EPHA5: variants seen among roughly 807,000 people sequenced by gnomAD.
EPHA5 encodes EPH receptor A5.
In EPHA5, 60 loss-of-function variants were observed where a neutral mutation model predicts 105.0. The observed-to-expected ratio is 0.57, with a 90% CI of 0.46 to 0.71. The LOEUF is 0.71. Ranked by LOEUF, EPHA5 falls within the 30% of genes least tolerant of loss-of-function variation. EPHA5 has a pLI of 0.00. For missense variants in EPHA5, 1,218 were observed against 1,274.7 expected (o/e 0.96, Z 0.68); for synonymous variants, 513 against 449.1 (o/e 1.14, Z -1.80).
intron 3 of EPHA5, among the ~76,000 whole-genome samples, chr4:65,583,765 T>C (rs2149402164): frequency 6.6e-6 from 1 of 151,814 alleles, no homozygotes; most frequent in East Asian, 1.9e-4. Context: ...AACATATCTT[T>C]GTTATTGTTT....
At chr4:65,384,950 T>C (rs1719935632) in intron 8 of EPHA5, among the ~76,000 whole-genome samples, 1 of 151,414 alleles carries the variant, frequency 6.6e-6, no homozygotes, top group South Asian at 2.1e-4. Context: ...CCTCCCCCAG[T>C]CATTTCACAG....
At chr4:65,335,751 A>C (rs1560422445) in intron 15 of EPHA5, among the ~76,000 whole-genome samples, 181 bp downstream of exon 15, 1 of 152,074 alleles carries the variant, frequency 6.6e-6, no homozygotes, top group Admixed American at 6.6e-5. Flanking sequence ...TTTAAGTATC[A>C]TTTAGTCACA....
chr4:65,493,176 G>GT (rs1219162979), intron 4 of EPHA5, among the ~76,000 whole-genome samples: 1 of 151,842 alleles, frequency 6.6e-6, no homozygotes, highest in Admixed American at 6.6e-5. Context: ...TAAAATAGAG[G>GT]TAAAAAGTGG....
intron 3 of EPHA5, among the ~76,000 whole-genome samples, chr4:65,560,366 G>T (rs1319256693): frequency 6.6e-6 from 1 of 152,024 alleles, no homozygotes; most frequent in African/African-American, 2.4e-5. Flanking sequence ...ACAAAAGAAT[G>T]CATAGCCATT....
chr4:65,592,673 A>G (rs565097262), intron 3 of EPHA5, among the ~76,000 whole-genome samples: 3 of 152,316 alleles, frequency 2.0e-5, no homozygotes, highest in Admixed American at 1.3e-4. Context: ...ATGCAAATTC[A>G]TATTAGCCAC....
intron 7 of EPHA5, among the ~76,000 whole-genome samples, chr4:65,407,829 C>G (rs1302619481): frequency 1.3e-5 from 2 of 151,930 alleles, no homozygotes; most frequent in African/African-American, 4.8e-5. Context: ...GATCTCGGCT[C>G]ATTGCAACCT....
intron 8 of EPHA5, among the ~76,000 whole-genome samples, chr4:65,376,752 C>G (rs1188030172): frequency 6.6e-6 from 1 of 151,892 alleles, no homozygotes; most frequent in East Asian, 1.9e-4. Flanking sequence ...TCGTAACTCC[C>G]TAGTTTAAAT....
At chr4:65,438,296 A>G (rs888981100) in intron 5 of EPHA5, among the ~76,000 whole-genome samples, 2 of 151,950 alleles carry the variant, frequency 1.3e-5, no homozygotes, top group African/African-American at 2.4e-5. Context: ...TTGATTTTTC[A>G]TCTTATTTCT....
At chr4:65,605,461 G>A (rs1025577726) in intron 2 of EPHA5, among the ~76,000 whole-genome samples, 5 of 151,982 alleles carry the variant, frequency 3.3e-5, no homozygotes, top group African/African-American at 9.7e-5. Flanking sequence ...CCTATACATC[G>A]TTTTTTCATG....
chr4:65,363,296 T>C (rs1717517396), intron 11 of EPHA5, among the ~76,000 whole-genome samples: 1 of 151,616 alleles, frequency 6.6e-6, no homozygotes. Context: ...ATCTTCACAA[T>C]AATGCTATAA....
chr4:65,414,151 C>T (rs1003812717), intron 7 of EPHA5, 133 bp downstream of exon 7: 2 of 776,420 alleles, frequency 2.6e-6, no homozygotes, highest in Non-Finnish European at 2.1e-6. Flanking sequence ...TGCTTCCTAC[C>T]TGAAGGGGTC....
intron 1 of EPHA5, among the ~76,000 whole-genome samples, chr4:65,666,620 TA>T (rs1407020662): frequency 2.0e-5 from 3 of 152,184 alleles, no homozygotes; most frequent in Non-Finnish European, 1.5e-5. Context: ...TCTTTTATAA[TA>T]AAAAAGTTTT....
chr4:65,643,208 A>G (rs559241170), intron 2 of EPHA5, among the ~76,000 whole-genome samples, 155 bp downstream of exon 2: 2 of 151,958 alleles, frequency 1.3e-5, no homozygotes, highest in South Asian at 4.1e-4. Flanking sequence ...TTTTTTGATT[A>G]GAGTTATTTG....
chr4:65,363,178 G>T (rs1465437827), intron 11 of EPHA5, among the ~76,000 whole-genome samples: 2 of 151,510 alleles, frequency 1.3e-5, no homozygotes, highest in Admixed American at 6.6e-5. Context: ...ATATGGAGAA[G>T]TTCAGAGCAT....
intron 16 of EPHA5, chr4:65,330,952 A>G: frequency 9.6e-7 from 1 of 1,043,390 alleles, no homozygotes; most frequent in South Asian, 4.6e-5. Context: ...TTGGTGATAA[A>G]TGGTGGTACC....
intron 3 of EPHA5, among the ~76,000 whole-genome samples, chr4:65,499,059 T>C (rs1732230196): frequency 6.6e-6 from 1 of 151,150 alleles, no homozygotes; most frequent in African/African-American, 2.4e-5. Context: ...CAGGATTTTC[T>C]TGTAGCATCT....
At chr4:65,633,635 A>T (rs917960447) in intron 2 of EPHA5, among the ~76,000 whole-genome samples, 2 of 151,996 alleles carry the variant, frequency 1.3e-5, no homozygotes, top group African/African-American at 2.4e-5. Flanking sequence ...AACCACTTAG[A>T]CAGAGACCTA....
intron 2 of EPHA5, among the ~76,000 whole-genome samples, chr4:65,618,113 A>AT (rs1389501378): frequency 6.6e-6 from 1 of 152,124 alleles, no homozygotes; most frequent in Non-Finnish European, 1.5e-5. Context: ...CTAAATGTAA[A>AT]GTTCAAACAC....
chr4:65,522,069 T>C (rs1734784771), intron 3 of EPHA5, among the ~76,000 whole-genome samples: 1 of 151,956 alleles, frequency 6.6e-6, no homozygotes, highest in South Asian at 2.1e-4. Flanking sequence ...CTTGGATCTT[T>C]AGCCGACAGA....
Sources: gnomAD v4.1 joint callset for allele counts (sites outside exome capture counted in the v4.1 genomes callset) on GRCh38, gnomAD v4.1.1 for gene constraint, MANE v1.5 for transcripts, NCBI Gene and HGNC (gene_info 2026-07-23, HGNC 2026-07-21) for gene names.